The following GOLGA3 variants were observed in gnomAD, a reference collection of about 807,000 sequenced individuals.
GOLGA3 encodes the protein golgin subfamily A member 3.
A neutral mutation model predicts 169.4 loss-of-function variants in GOLGA3; 75 were observed. The observed-to-expected ratio is 0.44, with a 90% CI of 0.37 to 0.54. The LOEUF (loss-of-function observed/expected upper bound fraction) is 0.54. GOLGA3 is among the 20% of genes least tolerant of loss of function. GOLGA3 has a pLI of 0.00. For missense variants in GOLGA3, 1,899 were observed against 1,930.0 expected, an observed-to-expected ratio of 0.98 and a Z score of 0.30; for synonymous variants, 824 against 822.4, an observed-to-expected ratio of 1.00 and a Z score of -0.03.
intron 12 of GOLGA3, among the ~76,000 whole-genome samples, chr12:132,790,203 C>T (rs775523681): frequency 1.3e-3 from 203 of 150,960 alleles, no homozygotes; most frequent in Non-Finnish European, 1.9e-3. Context: ...GCGTGGTGGC[C>T]GGTGCCTGTA....
Position 132,789,084 on chromosome 12 carries a change from A to G in GOLGA3, c.2754T>C (p.Leu918=). 3 of 1,610,932 alleles carry G rather than the reference A, an allele frequency of 1.9e-6. No homozygotes were observed. The highest frequency in any genetic ancestry group is 2.5e-6 in the Non-Finnish European group (3 of 1,178,450). ...VAQVRQHMAD[L]EGHLQSAQKE... ...TCTGCGCCGACTGGAGATGCCCTTC[A>G]AGGTCCGCCATGTGCTGACGGACCT... Residue 918 remains leucine, a synonymous_variant, in exon 13 of 24, where the codon CTT becomes CTC. Coordinates refer to ENST00000450791, the MANE Select transcript of GOLGA3 (RefSeq NM_001389683.1).
In GOLGA3 at chr12:132,804,762, G is replaced by A. The variant is rs780405013; in HGVS notation, c.1551C>T (p.Ala517=). The change falls in exon 7 of 24, where the codon GCC becomes GCT. Residue 517 remains alanine (A), a synonymous_variant. Transcript: ENST00000450791. The surrounding 1 kb of genome is among the most constrained non-coding windows in gnomAD (Gnocchi z 4.1). ...VAEEQYQRLM[A]KVEDMQRSML... is the part of the protein sequence containing the mutation. ...TGCTCCTCTGCATGTCCTCTACCTT[G>A]GCCATAAGCCTCTGGTACTGCTCCT... The A allele has an allele frequency of 3.1e-6, 5 of 1,614,106 alleles. No homozygotes were observed. The highest frequency in any genetic ancestry group is 4.2e-6 in the Non-Finnish European group (5 of 1,180,048).
intron 4 of GOLGA3, among the ~76,000 whole-genome samples, chr12:132,808,988 C>T (rs888633917): frequency 1.3e-5 from 2 of 152,142 alleles, no homozygotes; most frequent in East Asian, 3.9e-4. Context: ...GCGCGGAGAC[C>T]GGTAGTGGCC....
chr12:132,828,189 ACCCCACC>A (rs1950502490), intron 1 of GOLGA3: 1 of 151,492 alleles, frequency 6.6e-6, no homozygotes, highest in Admixed American at 6.6e-5. Flanking sequence ...AGAGTAGCGG[ACCCCACC>A]CAACCACCGC....
intron 8 of GOLGA3, among the ~76,000 whole-genome samples, chr12:132,801,481 T>C (rs911644538): frequency 2.6e-5 from 4 of 151,566 alleles, no homozygotes; most frequent in African/African-American, 9.7e-5. Flanking sequence ...CCCAGGCAAA[T>C]GAGGATTCAC....
chr12:132,815,529 C>T (rs1949917414), intron 3 of GOLGA3, among the ~76,000 whole-genome samples: 2 of 152,230 alleles, frequency 1.3e-5, no homozygotes, highest in Admixed American at 6.5e-5. Context: ...CAAATAAACA[C>T]ATGTGAAATG....
rs1410662822 is a variant in GOLGA3, at chr12:132,770,553, A to C, written c.*2552T>G. On this transcript the variant is annotated 3_prime_UTR_variant, in exon 24 of 24. Coordinates refer to ENST00000450791, the MANE Select transcript of GOLGA3 (RefSeq NM_001389683.1). ...AGAGAAAAAAAAATACATGGTGAAC[A>C]TCACTCACTTGAGGACTTCCCATAA... The C allele has an allele frequency of 6.7e-6, 1 of 148,584 alleles. No individual in the cohort carries two copies. The highest frequency in any genetic ancestry group is 2.1e-4 in the South Asian group (1 of 4,750). The allele number at this position is 148,584 out of a possible 1,614,324, so 9.2% of individuals were successfully genotyped here.
chr12:132,784,169 C>T lies in GOLGA3; in HGVS notation c.3262G>A (p.Asp1088Asn), dbSNP rs771223810. The T allele has an allele frequency of 6.2e-7, 1 of 1,607,668 alleles. No individual in the cohort carries two copies. The highest frequency in any genetic ancestry group is 8.5e-7 in the Non-Finnish European group (1 of 1,179,976). The change falls in exon 16 of 24, where the codon GAC (aspartate) becomes AAC (asparagine). Residue 1088 changes from aspartate to asparagine, a missense_variant. Physicochemically the swap from Asp to Asn is conservative, Grantham distance 23. Coordinates refer to ENST00000450791, the MANE Select transcript of GOLGA3 (RefSeq NM_001389683.1). ...AGCAGATGGCCAGGCCTCACCTCGTCCTCCAGCTCCAGCACCTTCTCCCGG... is the reference window on the plus strand; with the variant it reads ...AGCAGATGGCCAGGCCTCACCTCGTTCTCCAGCTCCAGCACCTTCTCCCGG... ...ESREKVLELE[D>N]ELQESRGFRK...
intron 2 of GOLGA3, among the ~76,000 whole-genome samples, chr12:132,818,383 C>A (rs1327285574): frequency 6.6e-6 from 1 of 152,196 alleles, no homozygotes; most frequent in Non-Finnish European, 1.5e-5. Context: ...CTTCAGCCTC[C>A]CCAGTAGCTG....
chr12:132,787,196 C>G (rs2045946310), intron 13 of GOLGA3, among the ~76,000 whole-genome samples: 1 of 152,124 alleles, frequency 6.6e-6, no homozygotes, highest in Non-Finnish European at 1.5e-5. Context: ...TCGTGATCCA[C>G]CTGCCTCGGC....
At chr12:132,792,726 C>T (rs1428335509) in intron 11 of GOLGA3, among the ~76,000 whole-genome samples, 3 of 138,040 alleles carry the variant, frequency 2.2e-5, no homozygotes, top group Admixed American at 7.2e-5. Context: ...ACGGACCGAC[C>T]GCACGGGACC....
At chr12:132,826,445 G>A (rs955176230) in intron 1 of GOLGA3, among the ~76,000 whole-genome samples, 10 of 151,976 alleles carry the variant, frequency 6.6e-5, no homozygotes, top group Non-Finnish European at 1.2e-4. Context: ...CACTGACCAA[G>A]AAGGAACACA....
chr12:132,773,167 G>A lies in GOLGA3; in HGVS notation c.4435C>T (p.Pro1479Ser), dbSNP rs557621368. The change falls in exon 24 of 24, where the codon CCA becomes TCA. Residue 1479 changes from proline to serine, a missense_variant. Pro to Ser is a moderately conservative substitution (Grantham distance 74, BLOSUM62 -1). Coordinates refer to ENST00000450791, the MANE Select transcript of GOLGA3 (RefSeq NM_001389683.1). ...CTGTGTCTCTGTGGGTCGCCGCGTG[G>A]GCCGGCGTGACCCCCCGGGGGCACA... ...SPVPPGGHAGPRGDPQRHSQS... is the reference protein window; with the variant it reads ...SPVPPGGHAGSRGDPQRHSQS... 38 of 1,584,700 alleles carry A rather than the reference G, an allele frequency of 2.4e-5. No individual in the cohort carries two copies. The South Asian group carries it at 4.0e-4, about 17-fold the overall frequency.
rs1029004324 is a variant in GOLGA3 at position 132,804,585 on chromosome 12, C to T, written c.1597+131G>A. On this transcript the variant is annotated intron_variant, in intron 7 of 23. Coordinates refer to ENST00000450791, the MANE Select transcript of GOLGA3 (RefSeq NM_001389683.1). The surrounding 1 kb of genome is among the most constrained non-coding windows in gnomAD (Gnocchi z 4.1). ...GAAGGAGGGAGCAGCGGGGACCAGT[C>T]GAGGAAGGAGGAGGGAGCAGCAAGG... 28 of 732,330 alleles carry T rather than the reference C, an allele frequency of 3.8e-5. No individual in the cohort carries two copies. The highest frequency in any genetic ancestry group is 3.5e-4 in the African/African-American group (20 of 56,466). The allele number at this position is 732,330 out of a possible 1,614,324, so 45.4% of individuals were successfully genotyped here.
In GOLGA3 at chr12:132,782,378, T is replaced by A. The variant is rs765767645; in HGVS notation, c.3383A>T (p.Asn1128Ile). The change falls in exon 17 of 24, where the codon AAC (asparagine) becomes ATC (isoleucine). Residue 1128 changes from asparagine (N) to isoleucine (I), a missense_variant. By Grantham distance (149) the Asn-to-Ile change is moderately radical. Coordinates refer to ENST00000450791, the MANE Select transcript of GOLGA3 (RefSeq NM_001389683.1). ...KGKLTGLGQS[N>I]AALREHNSIL... Reference sequence around the variant, plus strand: ...GCTGTTGTGTTCCCGCAGAGCTGCGTTGGACTGACCGAGGCCCGTAAGCTT... The same window carrying A: ...GCTGTTGTGTTCCCGCAGAGCTGCGATGGACTGACCGAGGCCCGTAAGCTT... The A allele has an allele frequency of 2.5e-6, 4 of 1,614,256 alleles. No homozygotes were observed. Among genetic ancestry groups the A allele is most frequent in the East Asian group, 4.5e-5 (2 of 44,888 alleles).
intron 7 of GOLGA3, 68 bp from the exon 8 acceptor site, chr12:132,802,037 T>G: frequency 8.0e-7 from 1 of 1,251,414 alleles, no homozygotes; most frequent in Non-Finnish European, 1.1e-6. Context: ...GCTCCGCGCG[T>G]GCGGGACACA....
Position 132,798,362 on chromosome 12 carries a change from G to T in GOLGA3, c.1916C>A (p.Ala639Glu), listed in dbSNP as rs201150617. Residue 639 changes from alanine (A) to glutamate (E), a missense_variant, in exon 9 of 24, where the codon GCG becomes GAG. Coordinates refer to ENST00000450791, the MANE Select transcript of GOLGA3 (RefSeq NM_001389683.1). Reference protein sequence around the residue: ...HRSMKEKGRIAAQLQGIEADM... With the variant: ...HRSMKEKGRIEAQLQGIEADM... Reference sequence around the variant, plus strand: ...CACCTCAATGCCCTGCAGCTGTGCCGCGATGCGCCCCTTCTCCTTCATGGA... The same window carrying T: ...CACCTCAATGCCCTGCAGCTGTGCCTCGATGCGCCCCTTCTCCTTCATGGA... 1.9e-6 allele frequency: 3 copies of T among 1,612,588 alleles called. No individual in the cohort carries two copies. Among genetic ancestry groups the T allele is most frequent in the African/African-American group, 2.7e-5 (2 of 74,932 alleles).
At chr12:132,787,563 T>TC (rs1566087463) in intron 13 of GOLGA3, among the ~76,000 whole-genome samples, 27 of 11,334 alleles carry the variant, frequency 2.4e-3, no homozygotes, top group Admixed American at 4.9e-3. Context: ...CCCAGGACCC[T>TC]TCCTGAGACC....
chr12:132,775,951 G>A (rs527799585), intron 21 of GOLGA3, among the ~76,000 whole-genome samples: 18 of 152,352 alleles, frequency 1.2e-4, no homozygotes, highest in Non-Finnish European at 2.4e-4. Flanking sequence ...GTGACACACA[G>A]CGCGGCCAAG....
Sources: gnomAD v4.1 joint callset for allele counts (sites outside exome capture counted in the v4.1 genomes callset) on GRCh38, gnomAD v4.1.1 for gene constraint, Gnocchi (gnomAD v3.1) non-coding constraint, MANE v1.5 for transcripts, NCBI Gene and HGNC (gene_info 2026-07-23, HGNC 2026-07-21) for gene names.